The following COL14A1 variants were observed in gnomAD, a reference collection of about 807,000 sequenced individuals.
COL14A1 encodes the protein collagen type XIV alpha 1 chain.
In COL14A1, 136 loss-of-function variants were observed where a neutral mutation model predicts 230.3. The ratio of observed to expected loss-of-function variants is 0.59; its 90% CI spans 0.51 to 0.68. COL14A1 has a LOEUF of 0.68. COL14A1 is among the 30% of genes least tolerant of loss of function. The pLI is 0.00. For synonymous variants in COL14A1, 792 were observed against 784.1 expected (o/e 1.01, Z -0.17); for missense variants, 1,976 against 2,215.8 (o/e 0.89, Z 2.17).
rs1814744846 is a variant in COL14A1 at position 120,137,225 on chromosome 8, T to A, written c.-37-10581T>A. 2.0e-5 allele frequency among the ~76,000 whole-genome samples: 3 copies of A among 152,170 alleles called. No individual in the cohort carries two copies. The South Asian group carries it at 6.2e-4, about 31-fold the overall frequency. ...AGTATTTCAATAGTTTATTTCCAAG[T>A]AAGCTAAATTGTTGGGATTATTGGC... On this transcript the variant is annotated intron_variant, in intron 1 of 47. Transcript: ENST00000297848.
At chr8:120,330,519 A>G (rs148466184) in intron 40 of COL14A1, among the ~76,000 whole-genome samples, 420 of 152,274 alleles carry the variant, frequency 2.8e-3, no homozygotes, top group Non-Finnish European at 4.4e-3. Context: ...CATTTATAAA[A>G]CCATCAGATC....
chr8:120,356,658 T>C (rs1822998046), intron 45 of COL14A1, among the ~76,000 whole-genome samples: 2 of 151,600 alleles, frequency 1.3e-5, no homozygotes, highest in African/African-American at 4.9e-5. Flanking sequence ...AAGTACAGGA[T>C]AACATATCCT....
chr8:120,268,552 T>C (rs916514221), intron 25 of COL14A1, among the ~76,000 whole-genome samples: 3 of 151,746 alleles, frequency 2.0e-5, no homozygotes, highest in Non-Finnish European at 4.4e-5. Flanking sequence ...GAGATTTTCA[T>C]CATGATGGTT....
At chr8:120,227,390 C>T (rs750926054) in intron 17 of COL14A1, 38 bp downstream of exon 17, 7 of 1,611,262 alleles carry the variant, frequency 4.3e-6, no homozygotes, top group African/African-American at 2.7e-5. Flanking sequence ...TTTAGCTGCT[C>T]CCACAATCCC....
At chr8:120,367,357 C>T in intron 46 of COL14A1, 109 bp downstream of exon 46, 1 of 858,218 alleles carries the variant, frequency 1.2e-6, no homozygotes, top group Non-Finnish European at 1.8e-6. Context: ...ACTTAAATGG[C>T]TGTATTTCTT....
intron 5 of COL14A1, among the ~76,000 whole-genome samples, chr8:120,188,886 G>A (rs1816727141): frequency 6.6e-6 from 1 of 152,120 alleles, no homozygotes. Flanking sequence ...ATTTACCTGG[G>A]CTCCCAGGCG....
chr8:120,183,470 T>C (rs1816539816), intron 5 of COL14A1, among the ~76,000 whole-genome samples: 1 of 152,214 alleles, frequency 6.6e-6, no homozygotes. Context: ...TTGGACATCC[T>C]GTCTGTAATT....
chr8:120,306,793 A>G (rs1485929881), intron 36 of COL14A1, among the ~76,000 whole-genome samples: 2 of 152,226 alleles, frequency 1.3e-5, no homozygotes, highest in African/African-American at 4.8e-5. Flanking sequence ...CTGTGAGGTA[A>G]ACAGTCTTGA....
chr8:120,250,175 G>C (rs1466387790), intron 21 of COL14A1, among the ~76,000 whole-genome samples: 5 of 152,186 alleles, frequency 3.3e-5, no homozygotes, highest in African/African-American at 1.2e-4. Context: ...ATTGATGCTG[G>C]TTCACAATGT....
intron 45 of COL14A1, among the ~76,000 whole-genome samples, chr8:120,366,178 A>G (rs1184011818): frequency 6.6e-6 from 1 of 152,252 alleles, no homozygotes; most frequent in Non-Finnish European, 1.5e-5. Flanking sequence ...TAATTTGTTG[A>G]CAGTGAATAT....
chr8:120,335,307 T>C (rs1822018017), intron 42 of COL14A1, among the ~76,000 whole-genome samples: 1 of 152,214 alleles, frequency 6.6e-6, no homozygotes, highest in South Asian at 2.1e-4. Flanking sequence ...TTCATAATGT[T>C]ATTTTTGTTA....
At chr8:120,249,870 A>G (rs968132928) in intron 21 of COL14A1, among the ~76,000 whole-genome samples, 3 of 152,192 alleles carry the variant, frequency 2.0e-5, no homozygotes, top group Admixed American at 6.5e-5. Context: ...ATAGACATAT[A>G]AATGTATTGT....
intron 19 of COL14A1, among the ~76,000 whole-genome samples, chr8:120,236,668 A>C (rs1438935272): frequency 6.6e-6 from 1 of 152,136 alleles, no homozygotes; most frequent in Non-Finnish European, 1.5e-5. Context: ...TTATGATGCT[A>C]GCTGGTTATT....
rs1445828317 is a variant in COL14A1 at position 120,373,020 on chromosome 8, G to A, written c.*1789G>A. On this transcript the variant is annotated 3_prime_UTR_variant, in exon 48 of 48. Transcript: ENST00000297848. ...TGGCCTGACCCAGAGTCACCTAAGA[G>A]AACTCTTCCAACTTAAATGACTAGG... is the stretch of plus-strand genomic sequence containing the variant. 6.6e-6 allele frequency among the ~76,000 whole-genome samples: 1 copy of A among 152,110 alleles called. No homozygotes were observed. Among genetic ancestry groups the A allele is most frequent in the East Asian group, 1.9e-4 (1 of 5,186 alleles).
intron 32 of COL14A1, 85 bp from the exon 33 acceptor site, chr8:120,285,776 A>C (rs1386309377): frequency 7.2e-6 from 6 of 837,678 alleles, no homozygotes; most frequent in Non-Finnish European, 1.1e-5. Flanking sequence ...CAATCGATGC[A>C]TTGTTTTGTT....
intron 28 of COL14A1, 101 bp downstream of exon 28, chr8:120,278,679 A>T: frequency 1.6e-6 from 2 of 1,218,236 alleles, no homozygotes; most frequent in Non-Finnish European, 2.2e-6. Context: ...AAATGTTTTA[A>T]AATATTTCTT....
intron 45 of COL14A1, among the ~76,000 whole-genome samples, chr8:120,346,021 G>A (rs927548675): frequency 2.0e-5 from 3 of 152,364 alleles, no homozygotes; most frequent in Admixed American, 2.0e-4. Flanking sequence ...GTCAGTGGCA[G>A]TCCTGAGAAG....
chr8:120,181,175 T>G (rs927843573), intron 5 of COL14A1, among the ~76,000 whole-genome samples: 1 of 152,170 alleles, frequency 6.6e-6, no homozygotes, highest in South Asian at 2.1e-4. Context: ...CTGAGATATC[T>G]GGATTGAGAA....
chr8:120,191,708 G>A (rs1816832200), intron 5 of COL14A1, among the ~76,000 whole-genome samples: 2 of 150,290 alleles, frequency 1.3e-5, no homozygotes, highest in Admixed American at 6.6e-5. Flanking sequence ...CTCAGGACTT[G>A]CTTTATGAAT....
Sources: gnomAD v4.1 joint callset for allele counts (sites outside exome capture counted in the v4.1 genomes callset) on GRCh38, gnomAD v4.1.1 for gene constraint, MANE v1.5 for transcripts, NCBI Gene and HGNC (gene_info 2026-07-23, HGNC 2026-07-21) for gene names.